CDRT4: variants seen among roughly 807,000 people sequenced by gnomAD.
The protein encoded by CDRT4 is CMT1A duplicated region transcript 4 protein.
For missense variants in CDRT4, 167 were observed against 193.1 expected, an observed-to-expected ratio of 0.87 and a Z score of 0.80; for synonymous variants, 64 against 69.6, an observed-to-expected ratio of 0.92 and a Z score of 0.40.
rs780629020 is a variant in CDRT4, at chr17:15,438,103, G to A, written c.129C>T (p.Leu43=). ...GTTCTCTAGTTTTGCTTTTCTCAATGAGTCTTTTCACTGTCTGAGAGGTAT... is the reference window on the plus strand; with the variant it reads ...GTTCTCTAGTTTTGCTTTTCTCAATAAGTCTTTTCACTGTCTGAGAGGTAT... ...VTYTSQTVKR[L]IEKSKTRELE... is the part of the protein sequence containing the mutation. The change falls in exon 4 of 4, where the codon CTC becomes CTT. Residue 43 remains leucine, a synonymous_variant. Transcript: ENST00000619038. The A allele has an allele frequency of 2.5e-6, 4 of 1,614,154 alleles. No individual in the cohort carries two copies. The highest frequency in any genetic ancestry group is 3.4e-6 in the Non-Finnish European group (4 of 1,180,024).
chr17:15,441,660 A>G (rs1393905062), intron 2 of CDRT4, among the ~76,000 whole-genome samples: 3 of 152,206 alleles, frequency 2.0e-5, no homozygotes, highest in African/African-American at 7.2e-5. Flanking sequence ...CTATTTTTAT[A>G]GAGTAAATTA....
At chr17:15,441,286 T>C (rs1978745921) in intron 2 of CDRT4, among the ~76,000 whole-genome samples, 1 of 152,170 alleles carries the variant, frequency 6.6e-6, no homozygotes, top group African/African-American at 2.4e-5. Flanking sequence ...TTCTCAAATT[T>C]TACCAAGTAC....
In CDRT4 at chr17:15,441,853, T is replaced by G. The variant is rs536417720; in HGVS notation, c.-47-1568A>C. The stretch of plus-strand genomic sequence containing the variant: ...AGTGCAGTTCTAGAAGAATTCACAA[T>G]GTCATTATTCTGAGGCTAGGGAAGA... On this transcript the variant is annotated intron_variant, in intron 2 of 3. Coordinates refer to ENST00000619038, the MANE Select transcript of CDRT4 (RefSeq NM_001204477.2). 2.0e-5 allele frequency among the ~76,000 whole-genome samples: 3 copies of G among 152,322 alleles called. No individual in the cohort carries two copies. The South Asian group carries it at 6.2e-4, about 32-fold the overall frequency.
intron 1 of CDRT4, among the ~76,000 whole-genome samples, chr17:15,463,788 G>A (rs2038572545): frequency 6.6e-6 from 1 of 152,114 alleles, no homozygotes; most frequent in Non-Finnish European, 1.5e-5. Flanking sequence ...CCGCCTGCCC[G>A]TCTGTCATCA....
chr17:15,452,399 G>C (rs1055970508), intron 2 of CDRT4: 2 of 152,230 alleles, frequency 1.3e-5, no homozygotes, highest in Non-Finnish European at 2.9e-5. Flanking sequence ...ACACTTTGTT[G>C]AAAGAAGAAA....
At chr17:15,449,086 A>G (rs1257117618) in intron 2 of CDRT4, among the ~76,000 whole-genome samples, 1 of 152,232 alleles carries the variant, frequency 6.6e-6, no homozygotes, top group East Asian at 1.9e-4. Context: ...TGCATGGCAA[A>G]GCCTTAATAC....
chr17:15,449,626 G>C (rs1429929057), intron 2 of CDRT4, among the ~76,000 whole-genome samples: 6 of 152,108 alleles, frequency 3.9e-5, no homozygotes, highest in African/African-American at 1.2e-4. Context: ...TCGTGTCATG[G>C]TGGGCTTGGG....
In CDRT4 at chr17:15,466,564, A is replaced by C. The variant is rs373928385; in HGVS notation, c.-130+896T>G. On this transcript the variant is annotated intron_variant, in intron 1 of 3. Coordinates refer to ENST00000619038, the MANE Select transcript of CDRT4 (RefSeq NM_001204477.2). ...CTTTTATAGAGACAGTCTCACTGAC[A>C]CCCAGGCTGGAGTGCAGTGGCACGA... Among the ~76,000 whole-genome samples, 9 of 152,230 alleles carry C rather than the reference A, an allele frequency of 5.9e-5. No individual in the cohort carries two copies. The East Asian group carries it at 1.2e-3, about 20-fold the overall frequency.
Position 15,460,511 on chromosome 17 carries a change from C to T in CDRT4, c.-130+6949G>A, listed in dbSNP as rs546319848. 2.6e-5 allele frequency among the ~76,000 whole-genome samples: 4 copies of T among 152,300 alleles called. No individual in the cohort carries two copies. In the South Asian group the frequency reaches 6.2e-4, roughly 24 times the overall value. ...TTAAGTGCTGGATTATTCCCTCTTA[C>T]AGAGGGTAAAATTGAGGCATATAAA... On this transcript the variant is annotated intron_variant, in intron 1 of 3. Transcript: ENST00000619038.
At position 15,464,253 on chromosome 17, in the gene CDRT4, G is replaced by A. The variant is rs1381703625; in HGVS notation, c.-130+3207C>T. Among the ~76,000 whole-genome samples, 1 of 152,054 alleles carries A rather than the reference G, an allele frequency of 6.6e-6. No homozygotes were observed. The highest frequency in any genetic ancestry group is 1.5e-5 in the Non-Finnish European group (1 of 68,006). ...AATGGGTAGATGTGGAGACCCCTAC[G>A]CCAGGCAAGCCTTCAGGTTTGAGAG... is the stretch of plus-strand genomic sequence containing the variant. On this transcript the variant is annotated intron_variant, in intron 1 of 3. Coordinates refer to ENST00000619038, the MANE Select transcript of CDRT4 (RefSeq NM_001204477.2). This position sits in a 1 kb window ranked among gnomAD's most constrained non-coding sequence, Gnocchi z 4.5.
At chr17:15,460,978 C>A (rs982140137) in intron 1 of CDRT4, among the ~76,000 whole-genome samples, 1 of 151,164 alleles carries the variant, frequency 6.6e-6, no homozygotes, top group Non-Finnish European at 1.5e-5. Context: ...GATTGACTTT[C>A]GCAGATTTTT....
intron 2 of CDRT4, among the ~76,000 whole-genome samples, chr17:15,445,968 C>T (rs1979004896): frequency 6.6e-6 from 1 of 152,168 alleles, no homozygotes; most frequent in African/African-American, 2.4e-5. Context: ...CCTCCCTGCC[C>T]TCTGCTTTTT....
At chr17:15,448,217 G>C (rs1441668152) in intron 2 of CDRT4, among the ~76,000 whole-genome samples, 1 of 152,120 alleles carries the variant, frequency 6.6e-6, no homozygotes, top group East Asian at 1.9e-4. Flanking sequence ...TGAAGAAGGT[G>C]ACTTGCATTT....
chr17:15,448,479 T>G (rs1449212432), intron 2 of CDRT4, among the ~76,000 whole-genome samples: 1 of 152,208 alleles, frequency 6.6e-6, no homozygotes, highest in Non-Finnish European at 1.5e-5. Context: ...CTGATGACCT[T>G]GCATTCAAAA....
chr17:15,439,271 G>A (rs1978643170), intron 3 of CDRT4: 3 of 396,040 alleles, frequency 7.6e-6, no homozygotes, highest in Admixed American at 3.1e-5. Context: ...ATTGAATGCA[G>A]TTAAAAAAAA....
intron 1 of CDRT4, among the ~76,000 whole-genome samples, chr17:15,461,366 A>C (rs911688427): frequency 2.0e-5 from 3 of 152,224 alleles, no homozygotes; most frequent in African/African-American, 7.2e-5. Flanking sequence ...GCGGGCTGCC[A>C]CAAGGACAGG....
chr17:15,454,012 T>C (rs769636420), intron 1 of CDRT4, among the ~76,000 whole-genome samples: 1 of 152,166 alleles, frequency 6.6e-6, no homozygotes, highest in Non-Finnish European at 1.5e-5. Context: ...CAATGTCTGC[T>C]GCAATGCCAA....
At chr17:15,466,030 G>C (rs1980024248) in intron 1 of CDRT4, among the ~76,000 whole-genome samples, 1 of 150,188 alleles carries the variant, frequency 6.7e-6, no homozygotes, top group East Asian at 2.0e-4. Context: ...CCTGAAGGAG[G>C]GAGAGAAAGG....
chr17:15,463,799 G>A (rs1387766270), intron 1 of CDRT4, among the ~76,000 whole-genome samples: 1 of 152,172 alleles, frequency 6.6e-6, no homozygotes, highest in Non-Finnish European at 1.5e-5. Context: ...TCTGTCATCA[G>A]AGATGTGGGT....
Sources: gnomAD v4.1 joint callset for allele counts (sites outside exome capture counted in the v4.1 genomes callset) on GRCh38, gnomAD v4.1.1 for gene constraint, Gnocchi (gnomAD v3.1) non-coding constraint, MANE v1.5 for transcripts, NCBI Gene and HGNC (gene_info 2026-07-23, HGNC 2026-07-21) for gene names.